SULF1: variants seen among roughly 807,000 people sequenced by gnomAD.
The protein encoded by SULF1 is sulfatase 1.
SULF1 carries 46 observed loss-of-function variants against 110.5 expected under a neutral mutation model. The ratio of observed to expected loss-of-function variants is 0.42; its 90% CI spans 0.33 to 0.53. The LOEUF is 0.53. SULF1 is among the 20% of genes least tolerant of loss of function. The pLI is 0.12. For synonymous variants in SULF1, 371 were observed against 387.1 expected (o/e 0.96, Z 0.49); for missense variants, 941 against 1,094.2 (o/e 0.86, Z 1.98).
intron 2 of SULF1, among the ~76,000 whole-genome samples, chr8:69,499,299 C>G (rs1290140549): frequency 1.3e-5 from 2 of 152,182 alleles, no homozygotes; most frequent in Non-Finnish European, 2.9e-5. Flanking sequence ...AAATAAGTCT[C>G]TAAGGATAAA....
At chr8:69,653,121 G>C (rs192754728) in intron 22 of SULF1, among the ~76,000 whole-genome samples, 29 of 152,190 alleles carry the variant, frequency 1.9e-4, no homozygotes, top group Middle Eastern at 3.4e-3. Flanking sequence ...ACCCAGGCTG[G>C]AGTATAGTAG....
intron 22 of SULF1, among the ~76,000 whole-genome samples, chr8:69,644,319 G>A (rs1370865393): frequency 6.6e-6 from 1 of 152,218 alleles, no homozygotes; most frequent in African/African-American, 2.4e-5. Context: ...CCTAGCAGGC[G>A]CCAAGCCCCA....
intron 3 of SULF1, among the ~76,000 whole-genome samples, chr8:69,519,358 C>A (rs969802823): frequency 8.5e-5 from 13 of 152,096 alleles, no homozygotes; most frequent in African/African-American, 2.9e-4. Context: ...ATTGTTAAAC[C>A]AATCCATAAT....
intron 3 of SULF1, among the ~76,000 whole-genome samples, chr8:69,555,051 A>C (rs2150702155): frequency 6.6e-6 from 1 of 151,916 alleles, no homozygotes; most frequent in Middle Eastern, 3.4e-3. Context: ...AGTTTCCTTG[A>C]AAATGTCTCC....
rs767177144 is a variant in SULF1, at chr8:69,600,690, TACAA to T, written c.826_829del (p.Asn276PhefsTer10). ...CAATGCTGCCCATCCACATGGAATT[TACAA>T]ACATTCTACAGCGCAAAAGGCTCCA... On this transcript the variant is annotated frameshift_variant, in exon 9 of 23. Coordinates refer to ENST00000402687, the MANE Select transcript of SULF1 (RefSeq NM_001128205.2). LOFTEE classifies it high-confidence loss of function. 6.2e-7 allele frequency: 1 copy of T among 1,614,132 alleles called. No individual in the cohort carries two copies. Among genetic ancestry groups the T allele is most frequent in the Non-Finnish European group, 8.5e-7 (1 of 1,179,968 alleles).
At chr8:69,527,835 TG>T (rs1269475772) in intron 3 of SULF1, among the ~76,000 whole-genome samples, 1 of 151,966 alleles carries the variant, frequency 6.6e-6, no homozygotes, top group Non-Finnish European at 1.5e-5. Context: ...TGATGAAAAA[TG>T]ATGTTTAAAT....
At chr8:69,530,850 G>A (rs1813030983) in intron 3 of SULF1, among the ~76,000 whole-genome samples, 1 of 152,156 alleles carries the variant, frequency 6.6e-6, no homozygotes, top group Non-Finnish European at 1.5e-5. Flanking sequence ...CTTTCCAAAG[G>A]GATTGAAGCT....
chr8:69,580,793 A>G (rs1806007827), intron 6 of SULF1, among the ~76,000 whole-genome samples: 2 of 152,210 alleles, frequency 1.3e-5, no homozygotes, highest in South Asian at 4.1e-4. Context: ...CTTTTGTCAT[A>G]AATCAAAATC....
At chr8:69,635,095 C>T (rs965779913) in intron 19 of SULF1, among the ~76,000 whole-genome samples, 9 of 152,270 alleles carry the variant, frequency 5.9e-5, no homozygotes, top group African/African-American at 1.7e-4. Flanking sequence ...CGCACCTGAC[C>T]GTGTAAAAAT....
At position 69,647,409 on chromosome 8, in the gene SULF1, T is replaced by C. The variant is rs575816101; in HGVS notation, c.2585+6568T>C. 1.1e-3 allele frequency among the ~76,000 whole-genome samples: 172 copies of C among 152,330 alleles called. 2 individuals carry two copies. The highest frequency in any genetic ancestry group is 1.9e-3 in the Non-Finnish European group (130 of 68,026). ...ACAAGGTAGTCATCTATAAATGACATATATATTTATTTCTATTTTTAGACT... is the reference window on the plus strand; with the variant it reads ...ACAAGGTAGTCATCTATAAATGACACATATATTTATTTCTATTTTTAGACT... On this transcript the variant is annotated intron_variant, in intron 22 of 22. Transcript: ENST00000402687.
intron 3 of SULF1, among the ~76,000 whole-genome samples, chr8:69,541,992 T>C (rs1017903224): frequency 3.3e-5 from 5 of 152,204 alleles, no homozygotes; most frequent in Admixed American, 2.6e-4. Context: ...AAGAGGAATA[T>C]GAGGAAGGTG....
At position 69,616,711 on chromosome 8, in the gene SULF1, T is replaced by G. The variant is rs1371319851; in HGVS notation, c.1378-4324T>G. ...GCTACTGTGCCCGGCCGTTTTTTTTTTTTTTTTTTTTCTGTATTTTTAGTA... is the reference window on the plus strand; with the variant it reads ...GCTACTGTGCCCGGCCGTTTTTTTTGTTTTTTTTTTTCTGTATTTTTAGTA... On this transcript the variant is annotated intron_variant, in intron 13 of 22. Coordinates refer to ENST00000402687, the MANE Select transcript of SULF1 (RefSeq NM_001128205.2). Among the ~76,000 whole-genome samples the G allele has an allele frequency of 5.1e-4, 76 of 150,380 alleles. 1 individual carries two copies. Among genetic ancestry groups the G allele is most frequent in the Middle Eastern group, 3.4e-3 (1 of 292 alleles).
chr8:69,492,427 A>G (rs1028061889), upstream of SULF1, among the ~76,000 whole-genome samples: 11 of 152,264 alleles, frequency 7.2e-5, no homozygotes, highest in African/African-American at 2.6e-4. Context: ...CAGCAGAAGC[A>G]CCTGGTCTGA....
chr8:69,510,848 C>G (rs773263713), intron 3 of SULF1, among the ~76,000 whole-genome samples: 16 of 151,948 alleles, frequency 1.1e-4, no homozygotes, highest in Admixed American at 2.6e-4. Flanking sequence ...AACTCCTGAC[C>G]TCAAGTGATC....
At chr8:69,639,616 G>A (rs1255518663) in intron 21 of SULF1, among the ~76,000 whole-genome samples, 5 of 152,198 alleles carry the variant, frequency 3.3e-5, no homozygotes, top group African/African-American at 1.2e-4. Context: ...GCTGGCAAGG[G>A]CATGGACCTT....
Position 69,484,424 on chromosome 8 carries a change from T to G in SULF1, c.-390-11341T>G, listed in dbSNP as rs534294100. 6.3e-4 allele frequency among the ~76,000 whole-genome samples: 96 copies of G among 152,282 alleles called. 2 individuals are homozygous for G. In the South Asian group the frequency reaches 0.017, roughly 27 times the overall value. ...TCTATTAAAAAGTTCTTACATGATCTAAATACTTAAAGACAGGACCTAAAA... is the reference window on the plus strand; with the variant it reads ...TCTATTAAAAAGTTCTTACATGATCGAAATACTTAAAGACAGGACCTAAAA... On this transcript the variant is annotated intron_variant, in intron 1 of 22. Transcript: ENST00000260128.
intron 22 of SULF1, among the ~76,000 whole-genome samples, chr8:69,654,275 G>A (rs1041755999): frequency 6.6e-6 from 1 of 152,216 alleles, no homozygotes; most frequent in Non-Finnish European, 1.5e-5. Context: ...ACCTTCGGAA[G>A]AGACATTAGA....
At chr8:69,486,585 T>C (rs1433852504) in intron 1 of SULF1, among the ~76,000 whole-genome samples, 1 of 152,202 alleles carries the variant, frequency 6.6e-6, no homozygotes, top group Non-Finnish European at 1.5e-5. Context: ...AGGTTTGCTG[T>C]GAAGCTGGCG....
At chr8:69,578,074 C>T (rs1274413856) in intron 6 of SULF1, among the ~76,000 whole-genome samples, 1 of 151,920 alleles carries the variant, frequency 6.6e-6, no homozygotes, top group East Asian at 1.9e-4. Context: ...TAGAACTAAG[C>T]ATCCAGATGT....
Sources: gnomAD v4.1 joint callset for allele counts (sites outside exome capture counted in the v4.1 genomes callset) on GRCh38, gnomAD v4.1.1 for gene constraint, MANE v1.5 for transcripts, NCBI Gene and HGNC (gene_info 2026-07-23, HGNC 2026-07-21) for gene names.